The following DDX10 variants were observed in gnomAD, a reference collection of about 807,000 sequenced individuals.
The protein encoded by DDX10 is probable ATP-dependent RNA helicase DDX10.
Under a neutral mutation model 104.3 loss-of-function variants are expected in DDX10, and 74 were observed. The ratio of observed to expected loss-of-function variants is 0.71; its 90% CI spans 0.59 to 0.86. The LOEUF (loss-of-function observed/expected upper bound fraction) is 0.86, where lower values mean the gene tolerates loss of function less well. Among genes scored for constraint, DDX10 ranks in the 40% least tolerant of loss-of-function variants. The pLI is 0.00. For synonymous variants in DDX10, 351 were observed against 353.4 expected (o/e 0.99, Z 0.08); for missense variants, 952 against 1,040.0 (o/e 0.92, Z 1.16).
At chr11:108,925,722 A>T (rs1863899453) in intron 17 of DDX10, among the ~76,000 whole-genome samples, 1 of 152,164 alleles carries the variant, frequency 6.6e-6, no homozygotes, top group African/African-American at 2.4e-5. Flanking sequence ...TTTTGTTATT[A>T]CAAGTAATTT....
intron 16 of DDX10, among the ~76,000 whole-genome samples, chr11:108,880,258 C>G (rs997160535): frequency 6.6e-6 from 1 of 152,158 alleles, no homozygotes; most frequent in African/African-American, 2.4e-5. Flanking sequence ...TGATACTGAT[C>G]TGGTGTGTCT....
At chr11:108,794,699 T>C (rs1399153202) in intron 13 of DDX10, among the ~76,000 whole-genome samples, 1 of 152,200 alleles carries the variant, frequency 6.6e-6, no homozygotes, top group African/African-American at 2.4e-5. Context: ...AACCAACTTT[T>C]CTTTCCTGGC....
intron 17 of DDX10, among the ~76,000 whole-genome samples, chr11:108,932,260 A>C (rs1863984553): frequency 6.6e-6 from 1 of 151,928 alleles, no homozygotes; most frequent in Non-Finnish European, 1.5e-5. Context: ...TCCTATTTAA[A>C]GTTTGTAGTT....
At chr11:108,744,680 A>C (rs1208972094) in intron 13 of DDX10, among the ~76,000 whole-genome samples, 3 of 152,178 alleles carry the variant, frequency 2.0e-5, no homozygotes, top group Non-Finnish European at 4.4e-5. Flanking sequence ...AAAAAGTTAG[A>C]CTTGTCAGCC....
At chr11:108,688,055 C>T (rs2094247095) in intron 6 of DDX10, among the ~76,000 whole-genome samples, 4 of 152,142 alleles carry the variant, frequency 2.6e-5, no homozygotes, top group Non-Finnish European at 5.9e-5. Context: ...AATCTTCATT[C>T]CTTTTTTACA....
At chr11:108,750,926 CTTTTTTTTTTTTTTTTTTTTTTTT>C (rs10582729) in intron 13 of DDX10, among the ~76,000 whole-genome samples, 7 of 24,252 alleles carry the variant, frequency 2.9e-4, no homozygotes, top group African/African-American at 3.8e-4. Flanking sequence ...CACCTGGTTA[CTTTTTTTTTTTTTTTTTTTTTTTT>C]TTTTTTTTTT....
At chr11:108,698,881 C>T (rs566989664) in intron 9 of DDX10, among the ~76,000 whole-genome samples, 73 of 152,308 alleles carry the variant, frequency 4.8e-4, no homozygotes, top group African/African-American at 1.5e-3. Context: ...ATGTGCCAGG[C>T]GTGCTTTTGC....
intron 13 of DDX10, among the ~76,000 whole-genome samples, chr11:108,757,808 A>C (rs1023730502): frequency 2.6e-5 from 4 of 151,972 alleles, no homozygotes; most frequent in African/African-American, 9.7e-5. Flanking sequence ...ACTGTCTGTC[A>C]ATCTCAGCTA....
Position 108,940,395 on chromosome 11 carries a change from T to C in DDX10, c.2600T>C (p.Val867Ala). 1 of 1,613,838 alleles carries C rather than the reference T, an allele frequency of 6.2e-7. No homozygotes were observed. The highest frequency in any genetic ancestry group is 1.3e-5 in the African/African-American group (1 of 75,012). The stretch of plus-strand genomic sequence containing the variant: ...TCTTTAGCAGAGGATGAAGAGCTGG[T>C]GTTACATCTGCTAAGAAGTCAAAGC... ...GLSLAEDEEL[V>A]LHLLRSQS Residue 867 changes from valine to alanine, a missense_variant, in exon 18 of 18, where the codon GTG becomes GCG. Around this residue, in one of 3 missense-constraint regions of DDX10, gnomAD observed 533 missense variants for 534.1 expected, o/e 1.00. Coordinates refer to ENST00000322536, the MANE Select transcript of DDX10 (RefSeq NM_004398.4).
At chr11:108,846,531 T>C (rs967858007) in intron 15 of DDX10, among the ~76,000 whole-genome samples, 14 of 152,204 alleles carry the variant, frequency 9.2e-5, no homozygotes, top group African/African-American at 3.1e-4. Context: ...ATAAGTGAGA[T>C]TGTGTATTAT....
intron 13 of DDX10, among the ~76,000 whole-genome samples, chr11:108,729,217 A>G (rs192752877): frequency 1.3e-5 from 2 of 152,288 alleles, no homozygotes; most frequent in South Asian, 2.1e-4. Context: ...TGGGTTATCG[A>G]CAGGGTTCTA....
chr11:108,817,567 A>G (rs558238052), intron 13 of DDX10, among the ~76,000 whole-genome samples: 2 of 152,312 alleles, frequency 1.3e-5, no homozygotes, highest in East Asian at 1.9e-4. Flanking sequence ...ACATACGTGC[A>G]TATTTGTCTC....
intron 16 of DDX10, among the ~76,000 whole-genome samples, chr11:108,877,022 T>C (rs1490314504): frequency 6.6e-6 from 1 of 152,154 alleles, no homozygotes; most frequent in Non-Finnish European, 1.5e-5. Context: ...TTTGAAGAAA[T>C]GGCTAGAAAC....
At position 108,689,194 on chromosome 11, in the gene DDX10, G is replaced by A. The variant is rs558507722; in HGVS notation, c.975+132G>A. On this transcript the variant is annotated intron_variant, in intron 7 of 17. Coordinates refer to ENST00000322536, the MANE Select transcript of DDX10 (RefSeq NM_004398.4). Reference sequence around the variant, plus strand: ...GTGGTGAGGGATCTTTCGTGTCCTTGTTGCAAAGGAATCCGTGGCTGAGAC... The same window carrying A: ...GTGGTGAGGGATCTTTCGTGTCCTTATTGCAAAGGAATCCGTGGCTGAGAC... 16 of 886,300 alleles carry A rather than the reference G, an allele frequency of 1.8e-5. No homozygotes were observed. The South Asian group carries it at 2.7e-4, about 15-fold the overall frequency. The allele number at this position is 886,300 out of a possible 1,614,324, so 54.9% of individuals were successfully genotyped here.
intron 13 of DDX10, among the ~76,000 whole-genome samples, chr11:108,778,584 A>G (rs1359149593): frequency 1.3e-5 from 2 of 152,228 alleles, no homozygotes; most frequent in African/African-American, 4.8e-5. Flanking sequence ...CTAAAACCAT[A>G]AAAACCCTAG....
chr11:108,796,616 A>G (rs1346396582), intron 13 of DDX10, among the ~76,000 whole-genome samples: 1 of 152,210 alleles, frequency 6.6e-6, no homozygotes, highest in Non-Finnish European at 1.5e-5. Context: ...AACTTTATTC[A>G]CATTCTTAAT....
At chr11:108,683,405 C>A (rs1050970084) in intron 6 of DDX10, among the ~76,000 whole-genome samples, 3 of 152,206 alleles carry the variant, frequency 2.0e-5, no homozygotes, top group Non-Finnish European at 4.4e-5. Flanking sequence ...TTGTTTCTCC[C>A]CTGTCTTGCA....
intron 16 of DDX10, among the ~76,000 whole-genome samples, chr11:108,874,031 A>G (rs1206254563): frequency 6.6e-6 from 1 of 152,190 alleles, no homozygotes; most frequent in Non-Finnish European, 1.5e-5. Flanking sequence ...CATTCTATTT[A>G]ATCTGCAAGA....
intron 16 of DDX10, among the ~76,000 whole-genome samples, chr11:108,857,992 C>T (rs1302087036): frequency 6.6e-6 from 1 of 152,144 alleles, no homozygotes; most frequent in African/African-American, 2.4e-5. Context: ...TTGTGCATCT[C>T]CTATTAGTTA....
Sources: gnomAD v4.1 joint callset for allele counts (sites outside exome capture counted in the v4.1 genomes callset) on GRCh38, gnomAD v4.1.1 for gene constraint, gnomAD v4.1.1 regional missense constraint, MANE v1.5 for transcripts, NCBI Gene and HGNC (gene_info 2026-07-23, HGNC 2026-07-21) for gene names.